PCDH11X: variants seen among roughly 807,000 people sequenced by gnomAD.
PCDH11X encodes protocadherin-11 X-linked.
PCDH11X carries 18 observed loss-of-function variants against 53.3 expected under a neutral mutation model. That is an observed-to-expected ratio of 0.34 (90% CI 0.23 to 0.50). The LOEUF (loss-of-function observed/expected upper bound fraction) is 0.50. Ranked by LOEUF, PCDH11X falls within the 20% of genes least tolerant of loss-of-function variation. The pLI, the probability that PCDH11X is intolerant of heterozygous loss-of-function variation, is 0.98. For missense variants in PCDH11X, 570 were observed against 1,032.4 expected (o/e 0.55, Z 6.14); for synonymous variants, 279 against 393.3 (o/e 0.71, Z 3.44).
intron 6 of PCDH11X, among the ~76,000 whole-genome samples, chrX:91,880,474 G>A (rs1939840093): frequency 9.0e-6 from 1 of 111,462 alleles, no homozygotes; most frequent in African/African-American, 3.3e-5. Flanking sequence ...AATGCAAATA[G>A]TTTACCATAA....
chrX:92,195,508 A>G (rs1277791579), intron 6 of PCDH11X, among the ~76,000 whole-genome samples: 1 of 111,460 alleles, frequency 9.0e-6, no homozygotes, highest in Non-Finnish European at 1.9e-5. Context: ...GAGGATCCTC[A>G]TTACCTTGTG....
intron 6 of PCDH11X, among the ~76,000 whole-genome samples, chrX:92,070,488 A>T (rs1341753924): frequency 9.0e-6 from 1 of 111,631 alleles, no homozygotes; most frequent in Non-Finnish European, 1.9e-5. Context: ...ATGTCATGCC[A>T]CTCTCTCTTG....
chrX:92,142,167 T>A (rs762945893), intron 6 of PCDH11X, among the ~76,000 whole-genome samples: 1,672 of 107,938 alleles, frequency 0.015, 25 homozygotes, highest in African/African-American at 0.048. Flanking sequence ...TATTTTTTTT[T>A]TTTTTTGAGA....
intron 10 of PCDH11X, among the ~76,000 whole-genome samples, chrX:92,543,790 A>T (rs1290480246): frequency 5.4e-5 from 6 of 110,162 alleles, no homozygotes; most frequent in Admixed American, 9.7e-5. Context: ...AAAAAAAAAA[A>T]GTTTTATCAT....
chrX:92,512,279 G>T lies in PCDH11X; in HGVS notation c.3367+43957G>T, dbSNP rs1310266978. ...ATGTGATTCATTGAATTAAATCAGTGCTTCCTCTTATGAAAAGACAGACAC... is the reference window on the plus strand; with the variant it reads ...ATGTGATTCATTGAATTAAATCAGTTCTTCCTCTTATGAAAAGACAGACAC... On this transcript the variant is annotated intron_variant, in intron 10 of 10. Transcript: ENST00000682573. Among the ~76,000 whole-genome samples, 4 of 111,826 alleles carry T rather than the reference G, an allele frequency of 3.6e-5. No homozygotes were observed. The South Asian group carries it at 1.1e-3, about 31-fold the overall frequency.
intron 6 of PCDH11X, among the ~76,000 whole-genome samples, chrX:91,994,326 C>G (rs1324239474): frequency 9.1e-6 from 1 of 109,412 alleles, no homozygotes; most frequent in Non-Finnish European, 1.9e-5. Context: ...CCCTCCCAGC[C>G]CTTGGTAATG....
chrX:91,858,765 A>G (rs1305078302), intron 5 of PCDH11X, among the ~76,000 whole-genome samples: 4 of 108,977 alleles, frequency 3.7e-5, no homozygotes, highest in Non-Finnish European at 5.7e-5. Context: ...CCTCATCTCC[A>G]TCTGAGACCA....
chrX:92,297,866 C>T (rs959045025), intron 8 of PCDH11X, among the ~76,000 whole-genome samples: 1 of 107,112 alleles, frequency 9.3e-6, no homozygotes, highest in Admixed American at 1.0e-4. Flanking sequence ...TTCACCTTCC[C>T]GGTTAGATGT....
chrX:92,142,798 T>A (rs1242596901), intron 6 of PCDH11X, among the ~76,000 whole-genome samples: 3 of 110,059 alleles, frequency 2.7e-5, no homozygotes, highest in Admixed American at 2.0e-4. Context: ...TTGACAACCT[T>A]ATATAAGATG....
intron 6 of PCDH11X, among the ~76,000 whole-genome samples, chrX:92,020,998 GCAA>G (rs1277695387): frequency 9.2e-6 from 1 of 109,272 alleles, no homozygotes; most frequent in Non-Finnish European, 1.9e-5. Flanking sequence ...CAAACAGAAA[GCAA>G]CAACAACAGC....
intron 7 of PCDH11X, among the ~76,000 whole-genome samples, chrX:92,232,398 T>C (rs2067092730): frequency 8.9e-6 from 1 of 111,906 alleles, no homozygotes; most frequent in African/African-American, 3.3e-5. Flanking sequence ...TCTGCAACTT[T>C]GTTGATTTCG....
chrX:91,956,723 A>T (rs995877505), intron 6 of PCDH11X, among the ~76,000 whole-genome samples: 1 of 110,109 alleles, frequency 9.1e-6, no homozygotes, highest in African/African-American at 3.3e-5. Flanking sequence ...TAATCTGATC[A>T]TTATGTATCT....
chrX:92,020,316 C>T (rs1358730592), intron 6 of PCDH11X, among the ~76,000 whole-genome samples: 1 of 112,280 alleles, frequency 8.9e-6, no homozygotes, highest in East Asian at 2.9e-4. Context: ...GGAAGGACAG[C>T]AGCCATCTCT....
chrX:91,903,075 T>C (rs1460905466), intron 6 of PCDH11X, among the ~76,000 whole-genome samples: 2 of 111,548 alleles, frequency 1.8e-5, no homozygotes, highest in African/African-American at 6.5e-5. Flanking sequence ...TCTTGCTATA[T>C]GTCACACAAA....
At chrX:91,912,017 T>A (rs1275264551) in intron 6 of PCDH11X, among the ~76,000 whole-genome samples, 1 of 111,908 alleles carries the variant, frequency 8.9e-6, no homozygotes, top group Non-Finnish European at 1.9e-5. Flanking sequence ...AATTAATTCA[T>A]TGATATTTAA....
At chrX:92,134,538 C>T (rs1041096981) in intron 6 of PCDH11X, among the ~76,000 whole-genome samples, 2 of 110,723 alleles carry the variant, frequency 1.8e-5, no homozygotes, top group African/African-American at 3.3e-5. Flanking sequence ...AAAGGGGTCT[C>T]GATCCAGACC....
At chrX:92,063,108 C>T (rs1436669078) in intron 6 of PCDH11X, among the ~76,000 whole-genome samples, 5 of 107,387 alleles carry the variant, frequency 4.7e-5, no homozygotes, top group South Asian at 4.3e-4. Context: ...AACCAAACAC[C>T]GCATGTTCTC....
At chrX:92,576,011 T>TACACACAC (rs1243169398) in intron 10 of PCDH11X, among the ~76,000 whole-genome samples, 3 of 28,097 alleles carry the variant, frequency 1.1e-4, no homozygotes, top group Admixed American at 4.2e-4. Context: ...TATATATATA[T>TACACACAC]ACACACACAC....
At chrX:92,421,585 T>A (rs2071967882) in intron 9 of PCDH11X, among the ~76,000 whole-genome samples, 1 of 111,867 alleles carries the variant, frequency 8.9e-6, no homozygotes, top group African/African-American at 3.3e-5. Context: ...CTTGCATATG[T>A]CTTTATGGCA....
Sources: allele counts gnomAD v4.1 joint callset (sites outside exome capture counted in the v4.1 genomes callset), GRCh38; gene constraint gnomAD v4.1.1; transcripts MANE v1.5; gene names NCBI Gene and HGNC (gene_info 2026-07-23, HGNC 2026-07-21).